Variants in FAM83E observed in about 807,000 individuals in gnomAD.
FAM83E encodes the protein protein FAM83E.
Under a neutral mutation model 34.3 loss-of-function variants are expected in FAM83E, and 29 were observed. The observed-to-expected ratio is 0.85, with a 90% CI of 0.63 to 1.15. FAM83E has a LOEUF of 1.15. Among genes scored for constraint, FAM83E ranks in the 50% most tolerant of loss-of-function variants. FAM83E has a pLI of 0.00. For synonymous variants in FAM83E, 312 were observed against 311.6 expected, an observed-to-expected ratio of 1.00 and a Z score of -0.01; for missense variants, 697 against 685.0, an observed-to-expected ratio of 1.02 and a Z score of -0.20.
At chr19:48,607,897 C>T (rs536988837) in intron 5 of FAM83E, among the ~76,000 whole-genome samples, 2 of 150,564 alleles carry the variant, frequency 1.3e-5, no homozygotes, top group Non-Finnish European at 3.0e-5. Flanking sequence ...GCCTGTCTTA[C>T]GTTACGTGCC....
In FAM83E at chr19:48,606,964, C is replaced by T. The variant is rs186844167; in HGVS notation, c.758+2912G>A. ...CACGGCCTGGCTGGGGCAGGGTCAA[C>T]GCCGCCAGGCCGCCATGGTCCTGTG... is the stretch of plus-strand genomic sequence containing the variant. On this transcript the variant is annotated intron_variant, in intron 5 of 6. Coordinates refer to ENST00000263266, the MANE Select transcript of FAM83E (RefSeq NM_017708.4). 12,206 of 1,599,524 alleles carry T rather than the reference C, an allele frequency of 7.6e-3. 84 individuals carry two copies. Among genetic ancestry groups the T allele is most frequent in the Non-Finnish European group, 8.2e-3 (9,706 of 1,177,544 alleles).
At chr19:48,610,566 A>C in intron 4 of FAM83E, 114 bp downstream of exon 4, 1 of 1,256,170 alleles carries the variant, frequency 8.0e-7, no homozygotes, top group Non-Finnish European at 1.1e-6. Flanking sequence ...ATCCCAGGGG[A>C]CCATCCCTGC....
Position 48,601,329 on chromosome 19 carries a change from G to C in FAM83E, c.1217C>G (p.Ala406Gly). The C allele has an allele frequency of 3.2e-6, 5 of 1,566,242 alleles. No homozygotes were observed. The highest frequency in any genetic ancestry group is 4.3e-6 in the Non-Finnish European group (5 of 1,154,882). The part of the protein sequence containing the change: ...SWGSKDTPAK[A>G]LMRQRGTGGG... Reference sequence around the variant, plus strand: ...TCCAGTGCCCCGCTGCCTCATCAGAGCCTTGGCTGGAGTGTCCTTGGAGCC... The same window carrying C: ...TCCAGTGCCCCGCTGCCTCATCAGACCCTTGGCTGGAGTGTCCTTGGAGCC... The change falls in exon 7 of 7, where the codon GCT becomes GGT. Residue 406 changes from alanine to glycine, a missense_variant. By Grantham distance (60) the Ala-to-Gly change is moderately conservative. Coordinates refer to ENST00000263266, the MANE Select transcript of FAM83E (RefSeq NM_017708.4).
chr19:48,602,705 ATATATATATATATATATATATAT>A (rs1189730441), intron 6 of FAM83E, among the ~76,000 whole-genome samples: 318 of 29,420 alleles, frequency 0.011, 89 homozygotes, highest in African/African-American at 0.05. Flanking sequence ...AAAAAAAAAA[ATATATATATATATATATATATAT>A]ATATATATAT....
rs889428768 is a variant in FAM83E at position 48,600,001 on chromosome 19, G to A, written c.*1108C>T. 2.0e-5 allele frequency among the ~76,000 whole-genome samples: 3 copies of A among 152,152 alleles called. No individual in the cohort carries two copies. The highest frequency in any genetic ancestry group is 7.2e-5 in the African/African-American group (3 of 41,416). On this transcript the variant is annotated 3_prime_UTR_variant, in exon 7 of 7. Transcript: ENST00000263266. ...GGTTTTATTCCGAGCAGAGGTAAAC[G>A]GGAGCTCCGGCAGACCCGCCCTCTC...
Position 48,601,000 on chromosome 19 carries a change from G to GCCT in FAM83E, c.*108_*109insAGG. On this transcript the variant is annotated 3_prime_UTR_variant, in exon 7 of 7. Transcript: ENST00000263266. The stretch of plus-strand genomic sequence containing the variant: ...ACATCCCTTCTGCTTGACAGACGCC[G>GCCT]AGGCCAGAAGCCTTGTCCAAGGCAG... 4.7e-6 allele frequency: 7 copies of GCCT among 1,479,546 alleles called. No individual in the cohort carries two copies. The highest frequency in any genetic ancestry group is 6.2e-6 in the Non-Finnish European group (7 of 1,121,906). 91.7% of individuals were successfully genotyped at this position (1,479,546 alleles called of 1,614,324 possible).
At position 48,600,771 on chromosome 19, in the gene FAM83E, C is replaced by A; in HGVS notation, c.*338G>T. ...AGCTCAAGGGATCCTCCCACCTCAG[C>A]CTCCTGCGTAGCTGGGACCACAGGC... On this transcript the variant is annotated 3_prime_UTR_variant, in exon 7 of 7. Transcript: ENST00000263266. The A allele has an allele frequency of 5.0e-6, 1 of 200,560 alleles. No individual in the cohort carries two copies. Among genetic ancestry groups the A allele is most frequent in the Non-Finnish European group, 1.0e-5 (1 of 100,412 alleles). 12.4% of individuals were successfully genotyped at this position (200,560 alleles called of 1,614,324 possible).
At position 48,614,781 on chromosome 19, in the gene FAM83E, C is replaced by A. The variant is rs1236613201; in HGVS notation, c.-1329G>T. The A allele has an allele frequency of 3.0e-6, 3 of 984,122 alleles. No individual in the cohort carries two copies. Among genetic ancestry groups the A allele is most frequent in the Non-Finnish European group, 3.6e-6 (3 of 829,044 alleles). 61.0% of individuals were successfully genotyped at this position (984,122 alleles called of 1,614,324 possible). On this transcript the variant is annotated 5_prime_UTR_variant, in exon 2 of 7. Coordinates refer to ENST00000263266, the MANE Select transcript of FAM83E (RefSeq NM_017708.4). ...TTTTCCGAGAACGTAGGCTGTGGCT[C>A]CCCGGCTTCTACTTCTGCGGTGCTT...
At position 48,614,699 on chromosome 19, in the gene FAM83E, G is replaced by T; in HGVS notation, c.-1256+9C>A. 1.5e-6 allele frequency: 1 copy of T among 686,824 alleles called. No homozygotes were observed. The highest frequency in any genetic ancestry group is 2.0e-5 in the African/African-American group (1 of 50,348). The allele number at this position is 686,824 out of a possible 1,614,324, so 42.5% of individuals were successfully genotyped here. A position where few individuals can be genotyped will look rare whatever the true frequency, so the allele number is the denominator to read the frequency against. ...ACCCTCACCCATCCCCCCCATCGCC[G>T]GGGCTCACCCACACCGGCTAGTGCC... On this transcript the variant is annotated intron_variant, in intron 2 of 6. Transcript: ENST00000263266.
chr19:48,605,230 A>G (rs562089324), intron 5 of FAM83E, among the ~76,000 whole-genome samples: 1 of 152,142 alleles, frequency 6.6e-6, no homozygotes, highest in Non-Finnish European at 1.5e-5. Context: ...CTGTGCACCA[A>G]GCTCTCCACG....
chr19:48,612,222 C>G (rs1050422800), intron 3 of FAM83E, among the ~76,000 whole-genome samples: 1 of 152,056 alleles, frequency 6.6e-6, no homozygotes, highest in African/African-American at 2.4e-5. Context: ...AAGTACACAG[C>G]AGGCTTTCCA....
At chr19:48,603,946 AC>A (rs1368907697) in intron 5 of FAM83E, 35 bp from the exon 6 acceptor site, 1 of 1,576,916 alleles carries the variant, frequency 6.3e-7, no homozygotes, top group Non-Finnish European at 8.6e-7. Flanking sequence ...AGAGTCTCCA[AC>A]CCTGAGGGCC....
chr19:48,612,200 G>A (rs1011776014), intron 3 of FAM83E, among the ~76,000 whole-genome samples: 11 of 152,214 alleles, frequency 7.2e-5, no homozygotes, highest in East Asian at 5.8e-4. Flanking sequence ...GCTGGCGGAC[G>A]CTAAGGCTGT....
In FAM83E at chr19:48,614,224, C is replaced by T. The variant is rs1974102653; in HGVS notation, c.-852G>A. ...AGCTGCTGCAGTGGAGGGTGAAATG[C>T]GCTACAGGGGTCTCCATTACTATGG... On this transcript the variant is annotated 5_prime_UTR_variant, in exon 3 of 7. Coordinates refer to ENST00000263266, the MANE Select transcript of FAM83E (RefSeq NM_017708.4). 4.1e-6 allele frequency: 4 copies of T among 985,568 alleles called. No individual in the cohort carries two copies. Among genetic ancestry groups the T allele is most frequent in the Non-Finnish European group, 4.8e-6 (4 of 830,080 alleles). 61.1% of individuals were successfully genotyped at this position (985,568 alleles called of 1,614,324 possible).
intron 5 of FAM83E, among the ~76,000 whole-genome samples, chr19:48,609,660 G>C (rs1180279787): frequency 6.6e-6 from 1 of 152,094 alleles, no homozygotes; most frequent in East Asian, 1.9e-4. Flanking sequence ...GAAAACACCA[G>C]GTCAAAGAGA....
chr19:48,610,790 C>A lies in FAM83E; in HGVS notation c.523G>T (p.Asp175Tyr). ...TDPDLLLDLV[D>Y]AATRRWVPVY... is the part of the protein sequence containing the mutation. The stretch of plus-strand genomic sequence containing the variant: ...GGTACCCAGCGGCGCGTGGCAGCAT[C>A]CACCAAGTCCAAAAGCAGGTCTGGG... The change falls in exon 4 of 7, where the codon GAT (aspartate) becomes TAT (tyrosine). Residue 175 changes from aspartate to tyrosine, a missense_variant. Physicochemically the swap from Asp to Tyr is radical, Grantham distance 160. Transcript: ENST00000263266. The A allele has an allele frequency of 6.3e-7, 1 of 1,591,152 alleles. No individual in the cohort carries two copies. The highest frequency in any genetic ancestry group is 8.6e-7 in the Non-Finnish European group (1 of 1,168,888).
chr19:48,603,476 C>T lies in FAM83E; in HGVS notation c.1176+18G>A. The T allele has an allele frequency of 2.6e-6, 4 of 1,539,130 alleles. No homozygotes were observed. The highest frequency in any genetic ancestry group is 3.5e-6 in the Non-Finnish European group (4 of 1,152,388). ...CCTTCCTGGGCTCCATCTTCTGGCA[C>T]CAGCCACAAGGTCTCACCTCGTTGT... On this transcript the variant is annotated intron_variant, in intron 6 of 6. Coordinates refer to ENST00000263266, the MANE Select transcript of FAM83E (RefSeq NM_017708.4).
intron 5 of FAM83E, 45 bp downstream of exon 5, chr19:48,609,831 G>A: frequency 6.3e-7 from 1 of 1,597,064 alleles, no homozygotes; most frequent in South Asian, 1.1e-5. Flanking sequence ...GAGGGAAAGT[G>A]GGGTATAGGA....
Position 48,614,925 on chromosome 19 carries a change from C to T in FAM83E, c.-1388+12G>A, listed in dbSNP as rs1335905883. The T allele has an allele frequency of 3.2e-5, 12 of 373,066 alleles. No individual in the cohort carries two copies. The highest frequency in any genetic ancestry group is 1.1e-4 in the South Asian group (1 of 9,300). The allele number at this position is 373,066 out of a possible 1,614,324, so 23.1% of individuals were successfully genotyped here. Reference sequence around the variant, plus strand: ...AGGAGGTCCGGGGGTGCGGCTCACACGCTTTCTTTACCTGTGCTCTCCCAG... The same window carrying T: ...AGGAGGTCCGGGGGTGCGGCTCACATGCTTTCTTTACCTGTGCTCTCCCAG... On this transcript the variant is annotated intron_variant, in intron 1 of 6. Transcript: ENST00000263266.
Sources: gnomAD v4.1 joint callset for allele counts (sites outside exome capture counted in the v4.1 genomes callset) on GRCh38, gnomAD v4.1.1 for gene constraint, MANE v1.5 for transcripts, NCBI Gene and HGNC (gene_info 2026-07-23, HGNC 2026-07-21) for gene names.